Variants in ZFHX3 observed in about 807,000 individuals in gnomAD.
The protein encoded by ZFHX3 is zinc finger homeobox 3.
ZFHX3 carries 42 observed loss-of-function variants against 279.1 expected under a neutral mutation model. The ratio of observed to expected loss-of-function variants is 0.15; its 90% CI spans 0.12 to 0.19. The LOEUF (loss-of-function observed/expected upper bound fraction) is 0.19, where lower values mean the gene tolerates loss of function less well. Ranked by LOEUF, ZFHX3 falls within the 10% of genes least tolerant of loss-of-function variation. The probability of loss-of-function intolerance (pLI) is 1.00; values close to 1 mark genes in which losing one functional copy is unlikely to be tolerated. For missense variants in ZFHX3, 4,981 were observed against 4,754.0 expected, an observed-to-expected ratio of 1.05 and a Z score of -1.40; for synonymous variants, 2,293 against 1,957.8, an observed-to-expected ratio of 1.17 and a Z score of -4.52.
chr16:73,447,658 C>A (rs1382970554), intron 3 of ZFHX3, among the ~76,000 whole-genome samples: 2 of 152,104 alleles, frequency 1.3e-5, no homozygotes, highest in Non-Finnish European at 2.9e-5. Context: ...ACTAAAGACC[C>A]AATACAGACA....
At chr16:72,820,963 T>C (rs887489073) in intron 5 of ZFHX3, among the ~76,000 whole-genome samples, 2 of 152,178 alleles carry the variant, frequency 1.3e-5, no homozygotes, top group Admixed American at 6.5e-5. Flanking sequence ...GTTAGGGTCT[T>C]TGAGCCCCAA....
intron 4 of ZFHX3, among the ~76,000 whole-genome samples, chr16:73,260,388 A>G (rs2013786003): frequency 6.6e-6 from 1 of 152,134 alleles, no homozygotes. Context: ...TTATATCAGC[A>G]TGGACTCATG....
chr16:73,545,356 G>A (rs1158444236), intron 2 of ZFHX3, among the ~76,000 whole-genome samples: 1 of 152,120 alleles, frequency 6.6e-6, no homozygotes, highest in Non-Finnish European at 1.5e-5. Context: ...TTAGAGGGAG[G>A]GGGTGGCAGG....
intron 2 of ZFHX3, among the ~76,000 whole-genome samples, chr16:73,564,416 T>C (rs1033101874): frequency 6.6e-6 from 1 of 152,238 alleles, no homozygotes; most frequent in Non-Finnish European, 1.5e-5. Context: ...CCCTCGGTTC[T>C]ATCCCTTCAA....
intron 8 of ZFHX3, among the ~76,000 whole-genome samples, chr16:73,074,618 TGAC>T (rs1254347021): frequency 6.6e-6 from 1 of 151,110 alleles, no homozygotes; most frequent in Non-Finnish European, 1.5e-5. Context: ...ACGACAATGA[TGAC>T]GACACTAAAC....
Position 73,402,577 on chromosome 16 carries a change from T to C in ZFHX3, c.-1291+53426A>G, listed in dbSNP as rs1394313798. 5 of 152,378 alleles carry C rather than the reference T, an allele frequency of 3.3e-5. No individual in the cohort carries two copies. The East Asian group carries it at 9.6e-4, about 29-fold the overall frequency. The allele number at this position is 152,378 out of a possible 1,614,324, so 9.4% of individuals were successfully genotyped here. Reference sequence around the variant, plus strand: ...TGGTTAACAGACCAGGAACGACCTGTGGACCCGCTTTGAGTAGCACTGAGG... The same window carrying C: ...TGGTTAACAGACCAGGAACGACCTGCGGACCCGCTTTGAGTAGCACTGAGG... On this transcript the variant is annotated intron_variant, in intron 3 of 17. Coordinates refer to the ZFHX3 transcript ENST00000641206.
In ZFHX3 at chr16:72,787,695, G is replaced by GCCC. The variant is rs2143280262; in HGVS notation, c.10580_10581insGGG (p.Gly3527dup). The GCCC allele has an allele frequency of 1.6e-6, 2 of 1,227,760 alleles. No individual in the cohort carries two copies. The highest frequency in any genetic ancestry group is 4.7e-4 in the Middle Eastern group (2 of 4,288). The allele number at this position is 1,227,760 out of a possible 1,614,324, so 76.1% of individuals were successfully genotyped here. ...TCTCGCACGCCAGGCAGTGGTACGAGCCGCCGCCGCCGCCGCCGCCGCCAC... is the reference window on the plus strand; with the variant it reads ...TCTCGCACGCCAGGCAGTGGTACGAGCCCCCGCCGCCGCCGCCGCCGCCGCCAC... On this transcript the variant is annotated inframe_insertion, in exon 10 of 10. Transcript: ENST00000268489.
At chr16:73,226,944 T>A (rs920657762) in intron 5 of ZFHX3, among the ~76,000 whole-genome samples, 4 of 152,338 alleles carry the variant, frequency 2.6e-5, no homozygotes, top group African/African-American at 9.6e-5. Context: ...GTGAAGTAAT[T>A]CATCACGTGT....
chr16:72,868,304 C>T (rs1287736412), intron 4 of ZFHX3, among the ~76,000 whole-genome samples: 1 of 152,172 alleles, frequency 6.6e-6, no homozygotes, highest in Non-Finnish European at 1.5e-5. Flanking sequence ...TATTCTCTCC[C>T]ACTTGGAGAA....
At chr16:72,998,816 C>T (rs1015004818) in intron 1 of ZFHX3, among the ~76,000 whole-genome samples, 2 of 152,366 alleles carry the variant, frequency 1.3e-5, no homozygotes, top group Middle Eastern at 3.4e-3. Flanking sequence ...AGAAGTTAAG[C>T]TGCCCGGGCC....
intron 4 of ZFHX3, among the ~76,000 whole-genome samples, chr16:73,267,794 C>G (rs2014020791): frequency 6.6e-6 from 1 of 152,174 alleles, no homozygotes; most frequent in East Asian, 1.9e-4. Context: ...TTCCATTCAT[C>G]TTTAAGATGA....
chr16:73,064,491 A>AG (rs1965722154), upstream of ZFHX3, among the ~76,000 whole-genome samples: 1 of 151,656 alleles, frequency 6.6e-6, no homozygotes, highest in Admixed American at 6.6e-5. Context: ...CCCTGGGGCA[A>AG]GGGGGAGGGA....
intron 1 of ZFHX3, among the ~76,000 whole-genome samples, chr16:73,762,663 C>A (rs1034774937): frequency 1.3e-5 from 2 of 152,122 alleles, no homozygotes; most frequent in South Asian, 4.2e-4. Context: ...GGAATGAGAT[C>A]ATGTCCTTTG....
chr16:73,710,693 T>C (rs1466722690), intron 1 of ZFHX3, among the ~76,000 whole-genome samples: 2 of 152,204 alleles, frequency 1.3e-5, no homozygotes, highest in Admixed American at 6.5e-5. Flanking sequence ...CCGTTGTCTC[T>C]GGCCACAGGC....
At chr16:73,468,824 C>G (rs562911207) in intron 2 of ZFHX3, among the ~76,000 whole-genome samples, 1 of 152,270 alleles carries the variant, frequency 6.6e-6, no homozygotes, top group Admixed American at 6.5e-5. Flanking sequence ...TAGAATGCTC[C>G]AATCACAAAT....
chr16:72,863,846 T>C (rs60056526), intron 4 of ZFHX3, among the ~76,000 whole-genome samples: 19,092 of 152,114 alleles, frequency 0.13, 3,397 homozygotes, highest in African/African-American at 0.4. Flanking sequence ...GGTTCATTTT[T>C]TTAAAAAAGT....
At chr16:73,059,559 T>C (rs1271946890) in exon 1 of ZFHX3, 1 of 145,154 alleles carries the variant, frequency 6.9e-6, no homozygotes, top group African/African-American at 2.6e-5. Context: ...TCTCTCTCTC[T>C]CTCTAAGCAA....
intron 1 of ZFHX3, among the ~76,000 whole-genome samples, chr16:73,685,428 A>G (rs2053072736): frequency 6.6e-6 from 1 of 152,242 alleles, no homozygotes; most frequent in African/African-American, 2.4e-5. Flanking sequence ...GCAGGCCATG[A>G]GCCAAGGAAT....
At chr16:73,743,648 G>A (rs893563222) in intron 1 of ZFHX3, among the ~76,000 whole-genome samples, 1 of 151,946 alleles carries the variant, frequency 6.6e-6, no homozygotes, top group African/African-American at 2.4e-5. Flanking sequence ...ACATACACAG[G>A]TAACTCCTAC....
Sources: gnomAD v4.1 joint callset for allele counts (sites outside exome capture counted in the v4.1 genomes callset) on GRCh38, gnomAD v4.1.1 for gene constraint, MANE v1.5 for transcripts, NCBI Gene and HGNC (gene_info 2026-07-23, HGNC 2026-07-21) for gene names.